STX8: variants seen among roughly 807,000 people sequenced by gnomAD.
STX8 encodes the protein syntaxin-8.
STX8 carries 23 observed loss-of-function variants against 37.5 expected under a neutral mutation model. The ratio of observed to expected loss-of-function variants is 0.61; its 90% CI spans 0.44 to 0.87. STX8 has a LOEUF of 0.87. Among genes scored for constraint, STX8 ranks in the 40% least tolerant of loss-of-function variants. STX8 has a pLI of 0.00. For missense variants in STX8, 313 were observed against 284.7 expected, an observed-to-expected ratio of 1.10 and a Z score of -0.71; for synonymous variants, 115 against 99.1, an observed-to-expected ratio of 1.16 and a Z score of -0.95.
chr17:9,371,635 C>CT (rs11295188), intron 7 of STX8, among the ~76,000 whole-genome samples: 95 of 145,700 alleles, frequency 6.5e-4, no homozygotes, highest in South Asian at 1.8e-3. Flanking sequence ...ATGGATTATG[C>CT]TTTTTTTTTT....
intron 7 of STX8, among the ~76,000 whole-genome samples, chr17:9,280,633 A>G (rs1487271412): frequency 5.3e-5 from 8 of 152,202 alleles, no homozygotes; most frequent in Admixed American, 5.2e-4. Context: ...CTTTTTGAAA[A>G]TTCCACAAGT....
intron 7 of STX8, among the ~76,000 whole-genome samples, chr17:9,263,115 C>T (rs575535403): frequency 3.2e-4 from 49 of 152,316 alleles, no homozygotes; most frequent in African/African-American, 1.1e-3. Context: ...GCTAAAGTCC[C>T]AACAGAAATA....
intron 7 of STX8, among the ~76,000 whole-genome samples, chr17:9,327,474 GGACAGC>G (rs1909816989): frequency 6.6e-6 from 1 of 152,040 alleles, no homozygotes; most frequent in Non-Finnish European, 1.5e-5. Flanking sequence ...GGATGTGAAT[GGACAGC>G]TATGTAGAAA....
In STX8 at chr17:9,466,214, G is replaced by A. The variant is rs191897617; in HGVS notation, c.541+25615C>T. ...TCTCGATCTCCTGACCTCGTGATCC[G>A]CCTGCCTTGGCCTCCCAAAGTGCTG... is the stretch of plus-strand genomic sequence containing the variant. On this transcript the variant is annotated intron_variant, in intron 6 of 7. Coordinates refer to ENST00000306357, the MANE Select transcript of STX8 (RefSeq NM_004853.3). Among the ~76,000 whole-genome samples the A allele has an allele frequency of 2.2e-3, 339 of 152,202 alleles. 1 individual carries two copies. The highest frequency in any genetic ancestry group is 7.8e-3 in the African/African-American group (324 of 41,548).
chr17:9,559,760 A>ATATATATATATATTTTTTTTTTTTTT, intron 2 of STX8, among the ~76,000 whole-genome samples: 1 of 24,492 alleles, frequency 4.1e-5, no homozygotes, highest in African/African-American at 1.9e-4. Flanking sequence ...ATATATATAT[A>ATATATATATATATTTTTTTTTTTTTT]TTTTTTTTTT....
At chr17:9,384,378 C>T (rs983552042) in intron 6 of STX8, among the ~76,000 whole-genome samples, 1 of 152,124 alleles carries the variant, frequency 6.6e-6, no homozygotes, top group African/African-American at 2.4e-5. Flanking sequence ...GTGGCTCACG[C>T]CTGTAATCCC....
intron 7 of STX8, among the ~76,000 whole-genome samples, chr17:9,334,102 G>A (rs559419384): frequency 2.4e-4 from 35 of 146,810 alleles, no homozygotes; most frequent in African/African-American, 7.6e-4. Context: ...ATCATGGGTC[G>A]TCCCTGTCTT....
intron 4 of STX8, among the ~76,000 whole-genome samples, chr17:9,544,760 AG>A (rs1227375620): frequency 6.6e-6 from 1 of 152,186 alleles, no homozygotes; most frequent in Non-Finnish European, 1.5e-5. Context: ...TGGGAGGCCA[AG>A]GCGGGCGGAT....
chr17:9,451,483 AGCTATGACCCCT>A (rs1905038448), intron 6 of STX8, among the ~76,000 whole-genome samples: 1 of 152,190 alleles, frequency 6.6e-6, no homozygotes, highest in African/African-American at 2.4e-5. Context: ...CCTCTGATGT[AGCTATGACCCCT>A]GCTAGGGTTC....
intron 4 of STX8, among the ~76,000 whole-genome samples, chr17:9,535,727 C>T (rs1301785563): frequency 6.6e-6 from 1 of 151,778 alleles, no homozygotes; most frequent in Non-Finnish European, 1.5e-5. Flanking sequence ...CCATCGTGCC[C>T]ATCCTCCAGC....
intron 6 of STX8, among the ~76,000 whole-genome samples, chr17:9,431,627 A>G (rs1913987915): frequency 6.6e-6 from 1 of 152,172 alleles, no homozygotes; most frequent in Non-Finnish European, 1.5e-5. Context: ...GAGAGAACAC[A>G]GTCATGACAC....
At chr17:9,274,751 CTTTTTT>C (rs377159395) in intron 7 of STX8, among the ~76,000 whole-genome samples, 31 of 78,640 alleles carry the variant, frequency 3.9e-4, no homozygotes, top group African/African-American at 1.3e-3. Context: ...TTTCTTTTTT[CTTTTTT>C]TTTTTTTTTT....
chr17:9,448,971 A>T (rs1395298421), intron 6 of STX8, among the ~76,000 whole-genome samples: 1 of 152,224 alleles, frequency 6.6e-6, no homozygotes, highest in African/African-American at 2.4e-5. Flanking sequence ...AGATACATAG[A>T]TTAAAAAAAT....
intron 7 of STX8, among the ~76,000 whole-genome samples, chr17:9,291,217 G>A (rs531959880): frequency 3.9e-5 from 6 of 152,192 alleles, no homozygotes; most frequent in Non-Finnish European, 2.9e-5. Context: ...GGCCGAAGCC[G>A]AAAAGTCACC....
chr17:9,443,184 G>A (rs2142389869), intron 6 of STX8, among the ~76,000 whole-genome samples: 1 of 152,272 alleles, frequency 6.6e-6, no homozygotes, highest in Non-Finnish European at 1.5e-5. Flanking sequence ...TTGGGAATGT[G>A]GAGGATCATA....
At position 9,362,838 on chromosome 17, in the gene STX8, A is replaced by C. The variant is rs560632388; in HGVS notation, c.643+15714T>G. Among the ~76,000 whole-genome samples, 172 of 146,516 alleles carry C rather than the reference A, an allele frequency of 1.2e-3. 3 individuals carry two copies. Among genetic ancestry groups the C allele is most frequent in the Admixed American group, 0.011 (168 of 14,772 alleles). ...AGTGAGACTCCGTCTCAAAAAAAAA[A>C]AAAAATAAATAAATAAATAAATAAA... is the stretch of plus-strand genomic sequence containing the variant. On this transcript the variant is annotated intron_variant, in intron 7 of 7. Transcript: ENST00000306357.
chr17:9,259,320 G>C (rs139137934), intron 7 of STX8, among the ~76,000 whole-genome samples: 1 of 152,088 alleles, frequency 6.6e-6, no homozygotes, highest in Non-Finnish European at 1.5e-5. Flanking sequence ...ATTACTCCTC[G>C]TAATAATTAC....
intron 4 of STX8, among the ~76,000 whole-genome samples, chr17:9,531,197 C>T (rs1278821569): frequency 6.6e-6 from 1 of 152,214 alleles, no homozygotes; most frequent in Non-Finnish European, 1.5e-5. Context: ...GTCTGGATAA[C>T]TGGTCATGTG....
intron 6 of STX8, among the ~76,000 whole-genome samples, chr17:9,380,709 C>CTT (rs776433325): frequency 0.023 from 2,284 of 98,458 alleles, 147 homozygotes; most frequent in East Asian, 0.083. Context: ...GATACAGAAA[C>CTT]TTTTTTTTTT....
Sources: allele counts gnomAD v4.1 joint callset (sites outside exome capture counted in the v4.1 genomes callset), GRCh38; gene constraint gnomAD v4.1.1; transcripts MANE v1.5; gene names NCBI Gene and HGNC (gene_info 2026-07-23, HGNC 2026-07-21).